The following WDR62 variants were observed in gnomAD, a reference collection of about 807,000 sequenced individuals.
WDR62 encodes WD repeat domain 62.
In WDR62, 112 loss-of-function variants were observed where a neutral mutation model predicts 160.6. The observed-to-expected ratio is 0.70, with a 90% CI of 0.60 to 0.82. The LOEUF (loss-of-function observed/expected upper bound fraction) is 0.82, where lower values mean the gene tolerates loss of function less well. WDR62 is among the 40% of genes least tolerant of loss of function. The pLI, the probability that WDR62 is intolerant of heterozygous loss-of-function variation, is 0.00. For synonymous variants in WDR62, 792 were observed against 815.1 expected (o/e 0.97, Z 0.48); for missense variants, 1,819 against 1,983.8 (o/e 0.92, Z 1.58).
chr19:36,089,622 T>C (rs1278833651), intron 15 of WDR62, among the ~76,000 whole-genome samples: 2 of 152,208 alleles, frequency 1.3e-5, no homozygotes, highest in South Asian at 2.1e-4. Context: ...TTTGTATTTT[T>C]AGTAGAGACG....
chr19:36,103,166 C>G lies in WDR62; in HGVS notation c.3473C>G (p.Ala1158Gly). 1 of 1,614,062 alleles carries G rather than the reference C, an allele frequency of 6.2e-7. No homozygotes were observed. The highest frequency in any genetic ancestry group is 1.1e-5 in the South Asian group (1 of 91,076). Residue 1158 changes from alanine to glycine, a missense_variant, in exon 29 of 32, where the codon GCA becomes GGA. Physicochemically the swap from Ala to Gly is moderately conservative, Grantham distance 60. Transcript: ENST00000401500. ...GAGCTGTGCCTGCAGGTCCTCGCTG[C>G]AGGGAAGGCTGAAGAGACCCTGGAG... ...ASPDRTHVLA[A>G]GKAEETLEAW... is the part of the protein sequence containing the mutation.
intron 16 of WDR62, 71 bp from the exon 17 acceptor site, chr19:36,091,129 G>A: frequency 7.3e-7 from 1 of 1,360,976 alleles, no homozygotes; most frequent in Non-Finnish European, 1.0e-6. Context: ...CACGGGGGAG[G>A]GAGGGGCCCA....
chr19:36,087,084 A>G (rs1972284582), intron 13 of WDR62, among the ~76,000 whole-genome samples: 1 of 151,784 alleles, frequency 6.6e-6, no homozygotes, highest in Non-Finnish European at 1.5e-5. Context: ...AAATACAAAA[A>G]TTTGCTGGGC....
rs1971817672 is a variant in WDR62, at chr19:36,080,274, A to AT, written c.1234-1153dup. 3.4e-5 allele frequency among the ~76,000 whole-genome samples: 5 copies of AT among 147,070 alleles called. No individual in the cohort carries two copies. The South Asian group carries it at 1.1e-3, about 32-fold the overall frequency. Reference sequence around the variant, plus strand: ...AGGTGCCTGCCACCACGCCCGGCTAATTTTTTGTATTTTTTTTTTTTAGTA... The same window carrying AT: ...AGGTGCCTGCCACCACGCCCGGCTAATTTTTTTGTATTTTTTTTTTTTAGTA... On this transcript the variant is annotated intron_variant, in intron 9 of 31. Coordinates refer to ENST00000401500, the MANE Select transcript of WDR62 (RefSeq NM_001083961.2).
intron 22 of WDR62, 24 bp downstream of exon 22, chr19:36,099,641 G>T (rs779824618): frequency 6.2e-7 from 1 of 1,612,152 alleles, no homozygotes; most frequent in Admixed American, 1.7e-5. Flanking sequence ...CCGCAGCCTG[G>T]CCCATAGCCC....
intron 1 of WDR62, among the ~76,000 whole-genome samples, chr19:36,058,242 C>A (rs960732671): frequency 1.4e-4 from 21 of 152,274 alleles, no homozygotes; most frequent in African/African-American, 4.8e-4. Flanking sequence ...ATCCTAGCTA[C>A]TCAGGAGGCT....
Position 36,097,230 on chromosome 19 carries a change from C to T in WDR62, c.2520+151C>T. 3 of 758,554 alleles carry T rather than the reference C, an allele frequency of 4.0e-6. No individual in the cohort carries two copies. In the African/African-American group the frequency reaches 5.2e-5, roughly 13 times the overall value. 47.0% of individuals were successfully genotyped at this position (758,554 alleles called of 1,614,324 possible). A position where few individuals can be genotyped will look rare whatever the true frequency, so the allele number is the denominator to read the frequency against. On this transcript the variant is annotated intron_variant, in intron 21 of 31. Transcript: ENST00000401500. ...AGGCTCAGTGAGACAGCCCTTTGTT[C>T]ATGATCAGTGCTCTCTGCCAGGCAT...
At chr19:36,091,727 T>C (rs1238558899) in intron 18 of WDR62, among the ~76,000 whole-genome samples, 1 of 151,410 alleles carries the variant, frequency 6.6e-6, no homozygotes, top group Non-Finnish European at 1.5e-5. Flanking sequence ...CAAAACCCTA[T>C]CTCTACAAAA....
At chr19:36,085,025 AGATT>A (rs1414774624) in intron 12 of WDR62, among the ~76,000 whole-genome samples, 2 of 152,170 alleles carry the variant, frequency 1.3e-5, no homozygotes, top group African/African-American at 4.8e-5. Context: ...ATGAGAAGAT[AGATT>A]GATTGTTAGG....
rs749070653 is a variant in WDR62 at position 36,071,680 on chromosome 19, A to T, written c.1007A>T (p.Tyr336Phe). ...HYLANLPKPH[Y>F]LGVDVAQGLE... ...CTCGCCAACCTGCCCAAGCCACACT[A>T]CCTTGGGGTAGACGTGGCACAGGGC... The change falls in exon 8 of 32, where the codon TAC becomes TTC. Residue 336 changes from tyrosine to phenylalanine, a missense_variant. Tyr to Phe is a conservative substitution (Grantham distance 22). This residue lies in a region of WDR62 where 934 missense variants were observed against 1,157.2 expected (regional missense o/e 0.81). Transcript: ENST00000401500. 6.2e-7 allele frequency: 1 copy of T among 1,613,874 alleles called. No homozygotes were observed. The highest frequency in any genetic ancestry group is 1.3e-5 in the African/African-American group (1 of 74,874).
At chr19:36,085,413 CCT>C (rs1491226030) in intron 12 of WDR62, among the ~76,000 whole-genome samples, 1,563 of 47,194 alleles carry the variant, frequency 0.033, 22 homozygotes, top group South Asian at 0.09. Flanking sequence ...CCACACCTGA[CCT>C]TTTTTTTTTT....
Position 36,103,046 on chromosome 19 carries a change from C to CT in WDR62, c.3435dup (p.Gly1146TrpfsTer17). The CT allele has an allele frequency of 6.2e-7, 1 of 1,614,126 alleles. No homozygotes were observed. Among genetic ancestry groups the CT allele is most frequent in the Non-Finnish European group, 8.5e-7 (1 of 1,180,030 alleles). On this transcript the variant is annotated frameshift_variant, in exon 28 of 32. Transcript: ENST00000401500. LOFTEE classifies it high-confidence loss of function. The stretch of plus-strand genomic sequence containing the variant: ...GGCGGAAGCCAGCCCAGAGCAGGTA[C>CT]TGGCTACGCCTCCCCAGACAGGACC...
At chr19:36,058,713 C>T in intron 1 of WDR62, 67 bp from the exon 2 acceptor site, 3 of 1,347,498 alleles carry the variant, frequency 2.2e-6, no homozygotes, top group Non-Finnish European at 3.2e-6. Context: ...GAATGGGTGG[C>T]CAAGGCGGCT....
intron 1 of WDR62, 50 bp downstream of exon 1, chr19:36,055,198 C>T (rs1000570397): frequency 3.2e-6 from 5 of 1,557,502 alleles, no homozygotes; most frequent in South Asian, 2.3e-5. Context: ...TCCTAGGTTT[C>T]CCCTAGTCCC....
intron 11 of WDR62, 33 bp downstream of exon 11, chr19:36,083,274 C>T (rs1000850501): frequency 2.6e-6 from 4 of 1,565,230 alleles, no homozygotes; most frequent in African/African-American, 1.4e-5. Flanking sequence ...CAGTGTACAC[C>T]TCCCAGCTCC....
chr19:36,076,948 T>C (rs1971603148), intron 9 of WDR62, among the ~76,000 whole-genome samples: 1 of 152,128 alleles, frequency 6.6e-6, no homozygotes, highest in Non-Finnish European at 1.5e-5. Context: ...GGGAATTATA[T>C]ATGTGTGTAT....
At chr19:36,108,862 A>AAAC (rs1454845922), downstream of WDR62, among the ~76,000 whole-genome samples, 1 of 106,852 alleles carries the variant, frequency 9.4e-6, no homozygotes, top group Non-Finnish European at 2.0e-5. Flanking sequence ...TCAAAAAAAA[A>AAAC]AAAAAAAAAA....
At chr19:36,090,097 G>T (rs1413310281) in intron 15 of WDR62, among the ~76,000 whole-genome samples, 1 of 152,174 alleles carries the variant, frequency 6.6e-6, no homozygotes, top group Non-Finnish European at 1.5e-5. Flanking sequence ...CTTCCTGGAG[G>T]AAGAGACACC....
At chr19:36,073,036 T>C (rs1014189343) in intron 8 of WDR62, among the ~76,000 whole-genome samples, 5 of 152,110 alleles carry the variant, frequency 3.3e-5, no homozygotes, top group African/African-American at 1.2e-4. Flanking sequence ...ATGCCTATTA[T>C]CTTTCTATGC....
Sources: gnomAD v4.1 joint callset for allele counts (sites outside exome capture counted in the v4.1 genomes callset) on GRCh38, gnomAD v4.1.1 for gene constraint, gnomAD v4.1.1 regional missense constraint, MANE v1.5 for transcripts, NCBI Gene and HGNC (gene_info 2026-07-23, HGNC 2026-07-21) for gene names.